TMEM106A: variants seen among roughly 807,000 people sequenced by gnomAD.
TMEM106A encodes the protein transmembrane protein 106A.
TMEM106A carries 22 observed loss-of-function variants against 25.1 expected under a neutral mutation model. The observed-to-expected ratio is 0.88, with a 90% CI of 0.63 to 1.25. The LOEUF is 1.25. TMEM106A is among the 50% of genes most tolerant of loss of function. TMEM106A has a pLI of 0.00. For synonymous variants in TMEM106A, 104 were observed against 129.9 expected (o/e 0.80, Z 1.35); for missense variants, 275 against 318.1 (o/e 0.86, Z 1.03).
chr17:43,216,831 T>A, intron 7 of TMEM106A, 91 bp downstream of exon 7: 1 of 1,555,138 alleles, frequency 6.4e-7, no homozygotes, highest in South Asian at 1.1e-5. Context: ...GCTTAGCAAA[T>A]TCTTCAGCCA....
At position 43,218,760 on chromosome 17, in the gene TMEM106A, T is replaced by C. The variant is rs558012749; in HGVS notation, c.*959T>C. On this transcript the variant is annotated 3_prime_UTR_variant, in exon 9 of 9. Transcript: ENST00000612339. ...TTTCAGGGGATCATAGATGCTTTTC[T>C]GTGCCTATCTGCTTTGACCATGTGA... 2.0e-5 allele frequency: 3 copies of C among 152,356 alleles called. No individual in the cohort carries two copies. The South Asian group carries it at 6.2e-4, about 32-fold the overall frequency. The allele number at this position is 152,356 out of a possible 1,614,324, so 9.4% of individuals were successfully genotyped here.
Position 43,217,130 on chromosome 17 carries a change from A to G in TMEM106A, c.615-129A>G, listed in dbSNP as rs904177219. ...AAGGGTGGGAAGGGGTGGGAGTGAC[A>G]TTTTGGGGGCACCTGATGGAAGGAA... On this transcript the variant is annotated intron_variant, in intron 7 of 8. Transcript: ENST00000612339. 11 of 957,052 alleles carry G rather than the reference A, an allele frequency of 1.1e-5. No individual in the cohort carries two copies. The African/African-American group carries it at 1.8e-4, about 15-fold the overall frequency. The allele number at this position is 957,052 out of a possible 1,614,324, so 59.3% of individuals were successfully genotyped here.
rs967810284 is a variant in TMEM106A at position 43,217,954 on chromosome 17, T to A, written c.*153T>A. Reference sequence around the variant, plus strand: ...CTCCCACCCCCTCAGCACAGGAAGCTTGCTTTGAAGTTAACTTCATACACA... The same window carrying A: ...CTCCCACCCCCTCAGCACAGGAAGCATGCTTTGAAGTTAACTTCATACACA... On this transcript the variant is annotated 3_prime_UTR_variant, in exon 9 of 9. Transcript: ENST00000612339. 2.6e-6 allele frequency: 3 copies of A among 1,174,066 alleles called. No homozygotes were observed. The African/African-American group carries it at 4.6e-5, about 18-fold the overall frequency. 72.7% of individuals were successfully genotyped at this position (1,174,066 alleles called of 1,614,324 possible).
chr17:43,213,403 T>A, intron 3 of TMEM106A, 151 bp downstream of exon 3: 2 of 803,052 alleles, frequency 2.5e-6, no homozygotes, highest in Non-Finnish European at 3.9e-6. Context: ...GGGAGATACT[T>A]AACTATCCTT....
Position 43,217,895 on chromosome 17 carries a change from C to T in TMEM106A, c.*94C>T. The T allele has an allele frequency of 6.4e-7, 1 of 1,570,692 alleles. No homozygotes were observed. Among genetic ancestry groups the T allele is most frequent in the Admixed American group, 1.8e-5 (1 of 56,022 alleles). On this transcript the variant is annotated 3_prime_UTR_variant, in exon 9 of 9. Transcript: ENST00000612339. ...CTAAGGAAGGACTACAGAGGCTTTGCCAAAGGAGAAGCCCTGCCTCATCAC... is the reference window on the plus strand; with the variant it reads ...CTAAGGAAGGACTACAGAGGCTTTGTCAAAGGAGAAGCCCTGCCTCATCAC...
intron 4 of TMEM106A, among the ~76,000 whole-genome samples, chr17:43,215,562 G>A (rs947412192): frequency 2.0e-5 from 3 of 152,182 alleles, no homozygotes; most frequent in African/African-American, 4.8e-5. Flanking sequence ...GCTGCTCCAT[G>A]TTATTGGGTC....
In TMEM106A at chr17:43,213,812, CCTT is replaced by C; in HGVS notation, c.212-13_212-11del. ...AGTTGCATCTTGGCCCTCCCTCTCACCTTCTCTCTCTCTAGAGCTGGAGAAGCA... is the reference window on the plus strand; with the variant it reads ...AGTTGCATCTTGGCCCTCCCTCTCACCTCTCTCTCTAGAGCTGGAGAAGCA... On this transcript the variant is annotated splice_polypyrimidine_tract_variant and intron_variant, in intron 3 of 8. Coordinates refer to ENST00000612339, the MANE Select transcript of TMEM106A (RefSeq NM_145041.4). 1 of 1,613,990 alleles carries C rather than the reference CCTT, an allele frequency of 6.2e-7. No individual in the cohort carries two copies. The highest frequency in any genetic ancestry group is 8.5e-7 in the Non-Finnish European group (1 of 1,179,892).
chr17:43,217,368 C>T, intron 8 of TMEM106A, 56 bp downstream of exon 8: 1 of 1,584,016 alleles, frequency 6.3e-7, no homozygotes, highest in Non-Finnish European at 8.7e-7. Context: ...TTCATTCTCA[C>T]TCAGCTACAC....
At chr17:43,215,976 C>A (rs1190670777) in intron 5 of TMEM106A, 35 bp downstream of exon 5, 2 of 1,612,508 alleles carry the variant, frequency 1.2e-6, no homozygotes, top group Middle Eastern at 1.7e-4. Flanking sequence ...ACCCCCCTTC[C>A]TAGCAATACT....
chr17:43,213,981 T>C (rs767702498), intron 4 of TMEM106A, 90 bp downstream of exon 4: 90 of 1,312,322 alleles, frequency 6.9e-5, no homozygotes, highest in Middle Eastern at 1.8e-4. Flanking sequence ...CCTTAATTTC[T>C]TCCTATTAGT....
In TMEM106A at chr17:43,215,646, C is replaced by T. The variant is rs144527716; in HGVS notation, c.276-142C>T. On this transcript the variant is annotated intron_variant, in intron 4 of 8. Coordinates refer to ENST00000612339, the MANE Select transcript of TMEM106A (RefSeq NM_145041.4). ...TCCTGTGCTCCTACTCATTCCGGGC[C>T]ACATCTGGGGAGCTAAATGTTGTTG... The T allele has an allele frequency of 2.2e-3, 1,904 of 873,794 alleles. 22 individuals are homozygous for T. The African/African-American group carries it at 0.028, about 13-fold the overall frequency. The allele number at this position is 873,794 out of a possible 1,614,324, so 54.1% of individuals were successfully genotyped here.
intron 7 of TMEM106A, 77 bp downstream of exon 7, chr17:43,216,817 G>T: frequency 1.3e-6 from 2 of 1,585,226 alleles, no homozygotes; most frequent in South Asian, 2.2e-5. Flanking sequence ...CAGCTTTCCT[G>T]ATTGCTTAGC....
Position 43,219,706 on chromosome 17 carries a change from TGGGCAACAA to T in TMEM106A, c.*1910_*1918del, listed in dbSNP as rs921329220. On this transcript the variant is annotated 3_prime_UTR_variant, in exon 9 of 9. Coordinates refer to ENST00000612339, the MANE Select transcript of TMEM106A (RefSeq NM_145041.4). ...AAGATCGCACCACTGCACTCCAGCCTGGGCAACAAGGGCGAGACTCTGTCTCAAAAAAAA... is the reference window on the plus strand; with the variant it reads ...AAGATCGCACCACTGCACTCCAGCCTGGGCGAGACTCTGTCTCAAAAAAAA... 6 of 129,700 alleles carry T rather than the reference TGGGCAACAA, an allele frequency of 4.6e-5. No individual in the cohort carries two copies. Among genetic ancestry groups the T allele is most frequent in the Admixed American group, 9.5e-5 (1 of 10,546 alleles). 8.0% of individuals were successfully genotyped at this position (129,700 alleles called of 1,614,324 possible).
chr17:43,216,625 G>C, intron 6 of TMEM106A, 36 bp downstream of exon 6: 1 of 1,614,186 alleles, frequency 6.2e-7, no homozygotes, highest in Non-Finnish European at 8.5e-7. Flanking sequence ...CTGCCCACTG[G>C]TGTGTGGATG....
In TMEM106A at chr17:43,215,851, C is replaced by G; in HGVS notation, c.339C>G (p.Phe113Leu). ...CLVTSSFIVFFLFPRSVIVQP... is the reference protein window; with the variant it reads ...CLVTSSFIVFLLFPRSVIVQP... The stretch of plus-strand genomic sequence containing the variant: ...TGACCTCCTCCTTCATCGTCTTTTT[C>G]CTGTTTCCCCGGTCCGTCATTGTGC... The change falls in exon 5 of 9, where the codon TTC (phenylalanine) becomes TTG (leucine). Residue 113 changes from phenylalanine to leucine, a missense_variant. Physicochemically the swap from Phe to Leu is conservative, Grantham distance 22. Coordinates refer to ENST00000612339, the MANE Select transcript of TMEM106A (RefSeq NM_145041.4). 1 of 1,614,140 alleles carries G rather than the reference C, an allele frequency of 6.2e-7. No individual in the cohort carries two copies. The highest frequency in any genetic ancestry group is 8.5e-7 in the Non-Finnish European group (1 of 1,180,030).
chr17:43,213,811 A>C lies in TMEM106A; in HGVS notation c.212-17A>C. The C allele has an allele frequency of 6.2e-7, 1 of 1,613,498 alleles. No individual in the cohort carries two copies. Among genetic ancestry groups the C allele is most frequent in the Non-Finnish European group, 8.5e-7 (1 of 1,179,694 alleles). On this transcript the variant is annotated splice_polypyrimidine_tract_variant and intron_variant, in intron 3 of 8. Coordinates refer to ENST00000612339, the MANE Select transcript of TMEM106A (RefSeq NM_145041.4). ...CAGTTGCATCTTGGCCCTCCCTCTC[A>C]CCTTCTCTCTCTCTAGAGCTGGAGA...
chr17:43,213,999 T>G, intron 4 of TMEM106A, 108 bp downstream of exon 4: 1 of 1,197,718 alleles, frequency 8.3e-7, no homozygotes, highest in Admixed American at 2.1e-5. Context: ...AGTTCTTCCA[T>G]AGAAAGCCTG....
chr17:43,217,877 A>G lies in TMEM106A; in HGVS notation c.*76A>G. The G allele has an allele frequency of 4.4e-6, 7 of 1,593,864 alleles. No individual in the cohort carries two copies. The highest frequency in any genetic ancestry group is 6.0e-6 in the Non-Finnish European group (7 of 1,169,498). On this transcript the variant is annotated 3_prime_UTR_variant, in exon 9 of 9. Coordinates refer to ENST00000612339, the MANE Select transcript of TMEM106A (RefSeq NM_145041.4). ...CCCACAACTCCCTGGTGACTAAGGAAGGACTACAGAGGCTTTGCCAAAGGA... is the reference window on the plus strand; with the variant it reads ...CCCACAACTCCCTGGTGACTAAGGAGGGACTACAGAGGCTTTGCCAAAGGA...
intron 3 of TMEM106A, 27 bp downstream of exon 3, chr17:43,213,279 G>A: frequency 6.2e-7 from 1 of 1,612,580 alleles, no homozygotes; most frequent in East Asian, 2.2e-5. Context: ...TCTGGAAATA[G>A]CCTGGAATCC....
Sources: allele counts gnomAD v4.1 joint callset (sites outside exome capture counted in the v4.1 genomes callset), GRCh38; gene constraint gnomAD v4.1.1; transcripts MANE v1.5; gene names NCBI Gene and HGNC (gene_info 2026-07-23, HGNC 2026-07-21).